Variants in CALN1 observed in about 807,000 individuals in gnomAD.
CALN1 encodes calneuron 1.
Under a neutral mutation model 30.6 loss-of-function variants are expected in CALN1, and 17 were observed. That is an observed-to-expected ratio of 0.56 (90% CI 0.38 to 0.83). The LOEUF is 0.83. Ranked by LOEUF, CALN1 falls within the 40% of genes least tolerant of loss-of-function variation. The probability of loss-of-function intolerance (pLI) is 0.00; values close to 1 mark genes in which losing one functional copy is unlikely to be tolerated. For missense variants in CALN1, 291 were observed against 354.9 expected (o/e 0.82, Z 1.45); for synonymous variants, 156 against 131.4 (o/e 1.19, Z -1.28).
At chr7:72,277,584 A>AT (rs891134516) in intron 3 of CALN1, among the ~76,000 whole-genome samples, 25 of 152,182 alleles carry the variant, frequency 1.6e-4, no homozygotes, top group Admixed American at 4.6e-4. Context: ...CTCCCTGCTC[A>AT]TTCATGTAAA....
At chr7:72,278,851 A>G in intron 2 of CALN1, 41 bp from the exon 3 acceptor site, 3 of 1,582,794 alleles carry the variant, frequency 1.9e-6, no homozygotes, top group Non-Finnish European at 2.6e-6. Flanking sequence ...GAAAGACATC[A>G]TCATTCATTC....
intron 6 of CALN1, among the ~76,000 whole-genome samples, chr7:71,790,379 A>T (rs1293222879): frequency 1.1e-5 from 1 of 87,512 alleles, no homozygotes; most frequent in Non-Finnish European, 2.4e-5. Context: ...AAAGAAAGAA[A>T]GAAAGAAAGA....
intron 5 of CALN1, among the ~76,000 whole-genome samples, chr7:72,013,878 TTA>T (rs1481746820): frequency 6.6e-6 from 1 of 152,076 alleles, no homozygotes; most frequent in Non-Finnish European, 1.5e-5. Flanking sequence ...CTGACTGATT[TTA>T]TATGGTAGAT....
intron 3 of CALN1, among the ~76,000 whole-genome samples, chr7:72,202,492 A>C (rs1459288103): frequency 6.6e-6 from 1 of 152,226 alleles, no homozygotes; most frequent in African/African-American, 2.4e-5. Context: ...TATGTATTGA[A>C]ATGCTGGAAA....
intron 2 of CALN1, among the ~76,000 whole-genome samples, chr7:72,308,372 G>GGGGAGAGA (rs373934467): frequency 2.8e-4 from 26 of 92,648 alleles, no homozygotes; most frequent in Non-Finnish European, 4.0e-4. Flanking sequence ...TGTGGGGGGG[G>GGGGAGAGA]GAGAGAGAGA....
chr7:72,310,685 C>T (rs958594772), intron 2 of CALN1, among the ~76,000 whole-genome samples: 1 of 151,788 alleles, frequency 6.6e-6, no homozygotes, highest in Admixed American at 6.6e-5. Context: ...GAGTGGATCA[C>T]CTGAGGCCGG....
In CALN1 at chr7:71,875,352, TA is replaced by T. The variant is rs948834822; in HGVS notation, c.502-64861del. Reference sequence around the variant, plus strand: ...TGCCACCAGATACCAGGGATCAGTTTACAGGGAAACCTGGATTTCTAGGCAG... The same window carrying T: ...TGCCACCAGATACCAGGGATCAGTTTCAGGGAAACCTGGATTTCTAGGCAG... On this transcript the variant is annotated intron_variant, in intron 5 of 6. Coordinates refer to ENST00000395275, the MANE Select transcript of CALN1 (RefSeq NM_031468.4). Among the ~76,000 whole-genome samples, 126 of 152,218 alleles carry T rather than the reference TA, an allele frequency of 8.3e-4. 1 individual carries two copies. The highest frequency in any genetic ancestry group is 3.0e-3 in the African/African-American group (123 of 41,538).
At chr7:72,500,119 C>G in the CALN1 span, among the ~76,000 whole-genome samples, 2 of 149,542 alleles carry the variant, frequency 1.3e-5, no homozygotes, top group Non-Finnish European at 3.0e-5. Flanking sequence ...ACCATGTTGG[C>G]CAGACTGATC....
At chr7:71,866,013 C>CT (rs921426218) in intron 5 of CALN1, among the ~76,000 whole-genome samples, 48 of 147,718 alleles carry the variant, frequency 3.2e-4, no homozygotes, top group Admixed American at 6.1e-4. Flanking sequence ...CATTTTTTTT[C>CT]TTTTTTTTTT....
In CALN1 at chr7:72,343,546, C is replaced by CAAA. The variant is rs34463871; in HGVS notation, c.119+59702_119+59704dup. On this transcript the variant is annotated intron_variant, in intron 2 of 6. Transcript: ENST00000395275. ...TGGGTGACAGAGCGAGATTCTGTCT[C>CAAA]AAAAAAAAAAAAAATCAATATAACC... Among the ~76,000 whole-genome samples, 12 of 144,762 alleles carry CAAA rather than the reference C, an allele frequency of 8.3e-5. No homozygotes were observed. The East Asian group carries it at 1.0e-3, about 12-fold the overall frequency. 95.0% of individuals were successfully genotyped at this position (144,762 alleles called of 152,430 possible). A position where few individuals can be genotyped will look rare whatever the true frequency, so the allele number is the denominator to read the frequency against.
At chr7:72,422,950 G>A (rs1256506592) in intron 1 of CALN1, among the ~76,000 whole-genome samples, 3 of 151,936 alleles carry the variant, frequency 2.0e-5, no homozygotes, top group Admixed American at 6.6e-5. Flanking sequence ...CCAACACGGC[G>A]AAACCTCATC....
intron 3 of CALN1, among the ~76,000 whole-genome samples, chr7:72,274,656 T>C (rs1187453232): frequency 6.6e-6 from 1 of 152,166 alleles, no homozygotes; most frequent in Non-Finnish European, 1.5e-5. Flanking sequence ...GGTATATGCA[T>C]AAACTTCCTG....
Position 72,021,253 on chromosome 7 carries a change from T to C in CALN1, c.501+2404A>G, listed in dbSNP as rs897056926. On this transcript the variant is annotated intron_variant, in intron 5 of 6. Coordinates refer to ENST00000395275, the MANE Select transcript of CALN1 (RefSeq NM_031468.4). ...TTGCATCACTACCCTCCAGCCTAGG[T>C]GACGGAATGAAACCCTATCTCTAAA... Among the ~76,000 whole-genome samples the C allele has an allele frequency of 5.9e-5, 9 of 152,058 alleles. No homozygotes were observed. The South Asian group carries it at 6.2e-4, about 11-fold the overall frequency.
chr7:71,847,749 GA>G (rs1484127853), intron 5 of CALN1, among the ~76,000 whole-genome samples: 89 of 118,936 alleles, frequency 7.5e-4, no homozygotes, highest in African/African-American at 2.2e-3. Context: ...GAAAGAAGAA[GA>G]AAGAAGAAAG....
At chr7:71,927,234 G>C (rs1795315878) in intron 5 of CALN1, among the ~76,000 whole-genome samples, 1 of 152,076 alleles carries the variant, frequency 6.6e-6, no homozygotes, top group Admixed American at 6.6e-5. Flanking sequence ...TTTTGAGACA[G>C]AGTCTCACTC....
At position 72,143,789 on chromosome 7, in the gene CALN1, C is replaced by CT. The variant is rs1810137914; in HGVS notation, c.245-37496dup. 3.3e-5 allele frequency among the ~76,000 whole-genome samples: 5 copies of CT among 152,198 alleles called. No individual in the cohort carries two copies. In the South Asian group the frequency reaches 1.0e-3, roughly 31 times the overall value. ...AACAGCTGATCTCTCGGCAGAAACT[C>CT]TACAAGCCAGAAGAGAGTGGGGACC... On this transcript the variant is annotated intron_variant, in intron 3 of 6. Transcript: ENST00000395275.
intron 5 of CALN1, among the ~76,000 whole-genome samples, chr7:71,826,101 T>C (rs866592025): frequency 5.6e-5 from 8 of 141,928 alleles, no homozygotes; most frequent in Non-Finnish European, 1.1e-4. Context: ...GGTGCCAGAC[T>C]ATGGATAAAT....
At chr7:72,005,246 A>G (rs535075318) in intron 5 of CALN1, among the ~76,000 whole-genome samples, 11 of 152,358 alleles carry the variant, frequency 7.2e-5, no homozygotes, top group African/African-American at 2.6e-4. Context: ...CTAGGTGTCC[A>G]TCAACACGTG....
intron 4 of CALN1, among the ~76,000 whole-genome samples, chr7:72,086,014 TA>T (rs543924950): frequency 1.7e-4 from 26 of 152,036 alleles, no homozygotes; most frequent in Non-Finnish European, 3.1e-4. Flanking sequence ...AAAAAAGAGA[TA>T]AAAAAATATA....
Sources: allele counts gnomAD v4.1 joint callset (sites outside exome capture counted in the v4.1 genomes callset), GRCh38; gene constraint gnomAD v4.1.1; transcripts MANE v1.5; gene names NCBI Gene and HGNC (gene_info 2026-07-23, HGNC 2026-07-21).